CTIF: variants seen among roughly 807,000 people sequenced by gnomAD.
The protein encoded by CTIF is CBP80/20-dependent translation initiation factor.
In CTIF, 21 loss-of-function variants were observed where a neutral mutation model predicts 66.0. The ratio of observed to expected loss-of-function variants is 0.32; its 90% confidence interval spans 0.23 to 0.46. The LOEUF (loss-of-function observed/expected upper bound fraction) is 0.46. Ranked by LOEUF, CTIF falls within the 20% of genes least tolerant of loss-of-function variation. CTIF has a pLI of 1.00. For synonymous variants in CTIF, 345 were observed against 326.4 expected, an observed-to-expected ratio of 1.06 and a Z score of -0.62; for missense variants, 739 against 812.7, an observed-to-expected ratio of 0.91 and a Z score of 1.10.
chr18:48,654,893 A>G (rs984638528), intron 3 of CTIF, among the ~76,000 whole-genome samples: 2 of 151,798 alleles, frequency 1.3e-5, no homozygotes, highest in African/African-American at 4.8e-5. Flanking sequence ...CAAACACCAC[A>G]CGTTCTCACT....
chr18:48,831,664 G>A (rs1012779491), intron 10 of CTIF, among the ~76,000 whole-genome samples: 15 of 152,188 alleles, frequency 9.9e-5, no homozygotes, highest in African/African-American at 3.1e-4. Flanking sequence ...ACAATATAAC[G>A]TGAGCCACGT....
At chr18:48,548,003 A>G (rs2145505976) in intron 1 of CTIF, among the ~76,000 whole-genome samples, 1 of 152,316 alleles carries the variant, frequency 6.6e-6, no homozygotes, top group African/African-American at 2.4e-5. Context: ...TATTGAGTGC[A>G]GGGAGTTTAT....
At chr18:48,773,263 G>C (rs1365740390) in intron 9 of CTIF, among the ~76,000 whole-genome samples, 1 of 152,354 alleles carries the variant, frequency 6.6e-6, no homozygotes, top group East Asian at 1.9e-4. Context: ...CATGTTGATA[G>C]GTCATAGGAT....
chr18:48,733,768 C>T (rs570412799), intron 7 of CTIF, among the ~76,000 whole-genome samples: 2 of 152,330 alleles, frequency 1.3e-5, no homozygotes, highest in East Asian at 1.9e-4. Flanking sequence ...CTGTGGGGAC[C>T]CTCCTGGCTC....
chr18:48,719,161 C>T (rs1179920881), intron 7 of CTIF, among the ~76,000 whole-genome samples: 1 of 152,198 alleles, frequency 6.6e-6, no homozygotes, highest in African/African-American at 2.4e-5. Flanking sequence ...CATTCCTTGA[C>T]ACTGCTGTGG....
intron 3 of CTIF, among the ~76,000 whole-genome samples, chr18:48,642,716 T>C (rs2090957226): frequency 6.6e-6 from 1 of 152,308 alleles, no homozygotes. Context: ...AATGCTGCAG[T>C]AACAAACAAG....
At chr18:48,792,921 C>T (rs1307899485) in intron 9 of CTIF, among the ~76,000 whole-genome samples, 2 of 152,092 alleles carry the variant, frequency 1.3e-5, no homozygotes, top group Non-Finnish European at 2.9e-5. Flanking sequence ...AGAAATAAGC[C>T]TCAGGGAGCT....
At chr18:48,748,331 A>G (rs2145798667) in intron 7 of CTIF, among the ~76,000 whole-genome samples, 1 of 152,130 alleles carries the variant, frequency 6.6e-6, no homozygotes. Context: ...TGTTTGTTAA[A>G]TCTGAGTACC....
intron 1 of CTIF, among the ~76,000 whole-genome samples, chr18:48,603,603 ATGGG>A (rs1188042943): frequency 7.3e-6 from 1 of 137,384 alleles, no homozygotes; most frequent in Non-Finnish European, 1.6e-5. Flanking sequence ...AGATGGATGA[ATGGG>A]TGGGTGGGTG....
intron 1 of CTIF, among the ~76,000 whole-genome samples, chr18:48,559,456 G>C (rs576341775): frequency 6.6e-6 from 1 of 152,174 alleles, no homozygotes; most frequent in African/African-American, 2.4e-5. Context: ...TAAGAGCCTA[G>C]TTTTAGGTAT....
At chr18:48,775,410 G>C (rs1910575859) in intron 9 of CTIF, among the ~76,000 whole-genome samples, 1 of 152,248 alleles carries the variant, frequency 6.6e-6, no homozygotes, top group Non-Finnish European at 1.5e-5. Context: ...TCCCAGGCAG[G>C]GAAAGCGCCA....
At chr18:48,842,952 G>A (rs527883115) in intron 10 of CTIF, among the ~76,000 whole-genome samples, 1 of 152,284 alleles carries the variant, frequency 6.6e-6, no homozygotes, top group South Asian at 2.1e-4. Flanking sequence ...CAGGGAGGAG[G>A]CTCAGCCAGA....
At chr18:48,636,832 A>G in intron 3 of CTIF, 147 bp downstream of exon 3, 1 of 491,488 alleles carries the variant, frequency 2.0e-6, no homozygotes, top group South Asian at 5.8e-5. Context: ...GTTCCCTGGA[A>G]AGCCCTCCCT....
intron 1 of CTIF, among the ~76,000 whole-genome samples, chr18:48,617,941 C>A (rs2090427181): frequency 6.6e-6 from 1 of 152,318 alleles, no homozygotes; most frequent in South Asian, 2.1e-4. Flanking sequence ...GGAGGCTGGG[C>A]CCCTTGCAGC....
chr18:48,577,280 A>G (rs141922813), intron 1 of CTIF, among the ~76,000 whole-genome samples: 114 of 152,308 alleles, frequency 7.5e-4, no homozygotes, highest in African/African-American at 2.6e-3. Flanking sequence ...AGAAGAAAAT[A>G]GTCTTGTTGG....
intron 7 of CTIF, among the ~76,000 whole-genome samples, chr18:48,752,060 G>A (rs909286020): frequency 4.6e-5 from 7 of 152,142 alleles, no homozygotes; most frequent in African/African-American, 1.4e-4. Context: ...CCAGAGCATC[G>A]TTTGGCGAGG....
intron 6 of CTIF, among the ~76,000 whole-genome samples, chr18:48,703,840 G>A (rs534666184): frequency 4.7e-4 from 71 of 152,300 alleles, no homozygotes; most frequent in Non-Finnish European, 3.8e-4. Context: ...CCCCTTTCTG[G>A]AGAGGAGAAG....
chr18:48,567,252 G>A (rs1332132846), intron 1 of CTIF: 1 of 152,238 alleles, frequency 6.6e-6, no homozygotes, highest in Admixed American at 6.5e-5. Context: ...GATGTCCAGG[G>A]ACAGAAGGAA....
At chr18:48,818,898 G>A (rs976240398) in intron 10 of CTIF, among the ~76,000 whole-genome samples, 14 of 152,246 alleles carry the variant, frequency 9.2e-5, no homozygotes, top group Non-Finnish European at 1.9e-4. Context: ...CACGTCTTTC[G>A]AGAAGTTTTT....
Sources: allele counts gnomAD v4.1 joint callset (sites outside exome capture counted in the v4.1 genomes callset), GRCh38; gene constraint gnomAD v4.1.1; transcripts MANE v1.5; gene names NCBI Gene and HGNC (gene_info 2026-07-23, HGNC 2026-07-21).